Variants in DIAPH2 observed in about 807,000 individuals in gnomAD.
DIAPH2 encodes protein diaphanous homolog 2.
DIAPH2 carries 35 observed loss-of-function variants against 92.7 expected under a neutral mutation model. The observed-to-expected ratio is 0.38, with a 90% confidence interval of 0.29 to 0.50. DIAPH2 has a LOEUF of 0.50. Ranked by LOEUF, DIAPH2 falls within the 20% of genes least tolerant of loss-of-function variation. The pLI is 0.94. For missense variants in DIAPH2, 701 were observed against 819.5 expected (o/e 0.86, Z 1.77); for synonymous variants, 301 against 280.4 (o/e 1.07, Z -0.73).
intron 26 of DIAPH2, among the ~76,000 whole-genome samples, chrX:97,477,067 C>T (rs1254538926): frequency 9.9e-6 from 1 of 101,475 alleles, no homozygotes; most frequent in African/African-American, 3.6e-5. Context: ...CAGTGGCTCA[C>T]CCCTGTAATC....
chrX:97,417,801 C>G (rs926655947), intron 25 of DIAPH2, among the ~76,000 whole-genome samples: 4 of 111,203 alleles, frequency 3.6e-5, no homozygotes, highest in Non-Finnish European at 7.5e-5. Flanking sequence ...TGCCCCTGCC[C>G]CAGTGGATGC....
chrX:97,345,215 G>T (rs985007214), intron 23 of DIAPH2, among the ~76,000 whole-genome samples: 1 of 111,765 alleles, frequency 8.9e-6, no homozygotes, highest in Non-Finnish European at 1.9e-5. Flanking sequence ...AAATGTGTTT[G>T]TTTTTTCGGG....
intron 16 of DIAPH2, among the ~76,000 whole-genome samples, chrX:96,961,715 GTTTT>G (rs1354907470): frequency 9.2e-6 from 1 of 108,125 alleles, no homozygotes; most frequent in Admixed American, 9.9e-5. Flanking sequence ...TTGATATATT[GTTTT>G]TTTAATTTTC....
At chrX:97,237,237 C>T (rs1343333254) in intron 22 of DIAPH2, among the ~76,000 whole-genome samples, 1 of 112,035 alleles carries the variant, frequency 8.9e-6, no homozygotes, top group Non-Finnish European at 1.9e-5. Flanking sequence ...TATTAAGTAG[C>T]CTCCTTTGAC....
At chrX:97,598,166 G>A (rs1453156315) in intron 26 of DIAPH2, among the ~76,000 whole-genome samples, 1 of 111,715 alleles carries the variant, frequency 9.0e-6, no homozygotes, top group Non-Finnish European at 1.9e-5. Context: ...TCTCAAGGAG[G>A]AAATGAGTAG....
intron 1 of DIAPH2, among the ~76,000 whole-genome samples, chrX:96,690,385 C>T (rs2063792852): frequency 9.0e-6 from 1 of 111,478 alleles, no homozygotes; most frequent in Admixed American, 9.6e-5. Context: ...TGATTTGCTT[C>T]ACAAGGTGTT....
At chrX:97,413,633 G>C (rs998492505) in intron 25 of DIAPH2, among the ~76,000 whole-genome samples, 1 of 111,919 alleles carries the variant, frequency 8.9e-6, no homozygotes, top group Non-Finnish European at 1.9e-5. Flanking sequence ...CAGATGACAT[G>C]ATTGTATATT....
chrX:97,335,077 A>G (rs2069046497), intron 23 of DIAPH2, among the ~76,000 whole-genome samples: 1 of 109,491 alleles, frequency 9.1e-6, no homozygotes, highest in Non-Finnish European at 1.9e-5. Context: ...AATCCACCAC[A>G]TACTATCTAG....
intron 26 of DIAPH2, among the ~76,000 whole-genome samples, chrX:97,430,388 C>T (rs1477722169): frequency 8.9e-6 from 1 of 112,462 alleles, no homozygotes; most frequent in Non-Finnish European, 1.9e-5. Context: ...TCTGTTCATA[C>T]CCTATGGTAG....
At chrX:97,427,549 A>G (rs1281889333) in intron 25 of DIAPH2, among the ~76,000 whole-genome samples, 1 of 112,291 alleles carries the variant, frequency 8.9e-6, no homozygotes, top group African/African-American at 3.2e-5. Context: ...TAATTCTCCC[A>G]GGTACATTCT....
intron 23 of DIAPH2, among the ~76,000 whole-genome samples, chrX:97,260,271 C>T (rs758961716): frequency 8.9e-6 from 1 of 112,705 alleles, no homozygotes; most frequent in Non-Finnish European, 1.9e-5. Context: ...ACAATGCTTA[C>T]TGTCAAGGAG....
At chrX:96,893,697 G>A (rs1172513024) in intron 5 of DIAPH2, among the ~76,000 whole-genome samples, 4 of 112,349 alleles carry the variant, frequency 3.6e-5, no homozygotes, top group African/African-American at 9.7e-5. Context: ...CTACCAAGGT[G>A]TACTTGAGAA....
intron 1 of DIAPH2, among the ~76,000 whole-genome samples, chrX:96,713,056 A>C (rs1334765158): frequency 9.0e-6 from 1 of 111,094 alleles, no homozygotes; most frequent in Non-Finnish European, 1.9e-5. Flanking sequence ...GTATGTGCAC[A>C]GATGTGCACA....
At chrX:97,086,215 A>T (rs1321192545) in intron 19 of DIAPH2, among the ~76,000 whole-genome samples, 3 of 112,091 alleles carry the variant, frequency 2.7e-5, no homozygotes, top group Non-Finnish European at 5.6e-5. Flanking sequence ...ATGTTGGAAC[A>T]CTATTCACCC....
Position 96,942,506 on chromosome X carries a change from T to C in DIAPH2, c.1444+370T>C, listed in dbSNP as rs1385646097. On this transcript the variant is annotated intron_variant, in intron 13 of 26. Coordinates refer to ENST00000324765, the MANE Select transcript of DIAPH2 (RefSeq NM_006729.5). Reference sequence around the variant, plus strand: ...CCTTAGTGGTCTTGTAGAAATCATGTATACAATGGGGTCTCATTATAGTTA... The same window carrying C: ...CCTTAGTGGTCTTGTAGAAATCATGCATACAATGGGGTCTCATTATAGTTA... Among the ~76,000 whole-genome samples, 6 of 111,265 alleles carry C rather than the reference T, an allele frequency of 5.4e-5. No individual in the cohort carries two copies. The Admixed American group carries it at 5.7e-4, about 11-fold the overall frequency.
chrX:96,942,240 G>A (rs41310637), intron 13 of DIAPH2, 104 bp downstream of exon 13: 29,905 of 508,225 alleles, frequency 0.059, 818 homozygotes, highest in African/African-American at 0.12. Flanking sequence ...AGTTCTTACT[G>A]AACTTCTATT....
At chrX:97,214,622 G>A (rs1260116769) in intron 22 of DIAPH2, among the ~76,000 whole-genome samples, 3 of 109,444 alleles carry the variant, frequency 2.7e-5, no homozygotes, top group Admixed American at 9.8e-5. Flanking sequence ...ACCTGAGGTC[G>A]GGAGTTCAAG....
chrX:97,326,720 T>C (rs1340424918), intron 23 of DIAPH2, among the ~76,000 whole-genome samples: 2 of 112,543 alleles, frequency 1.8e-5, no homozygotes, highest in Non-Finnish European at 3.7e-5. Flanking sequence ...GCATGATTGA[T>C]TAGTATCCTT....
At chrX:97,281,200 G>C (rs2068493924) in intron 23 of DIAPH2, among the ~76,000 whole-genome samples, 1 of 111,848 alleles carries the variant, frequency 8.9e-6, no homozygotes, top group South Asian at 3.7e-4. Flanking sequence ...TTCTTGAAAA[G>C]TGATGTGTAT....
Sources: allele counts gnomAD v4.1 joint callset (sites outside exome capture counted in the v4.1 genomes callset), GRCh38; gene constraint gnomAD v4.1.1; transcripts MANE v1.5; gene names NCBI Gene and HGNC (gene_info 2026-07-23, HGNC 2026-07-21).